The following CDH2 variants were observed in gnomAD, a reference collection of about 807,000 sequenced individuals.
The protein encoded by CDH2 is cadherin-2.
In CDH2, 17 loss-of-function variants were observed where a neutral mutation model predicts 92.0. That is an observed-to-expected ratio of 0.18 (90% CI 0.13 to 0.28). The LOEUF is 0.28. CDH2 is among the 10% of genes least tolerant of loss of function. The probability of loss-of-function intolerance (pLI) is 1.00; values close to 1 mark genes in which losing one functional copy is unlikely to be tolerated. For missense variants in CDH2, 862 were observed against 1,133.1 expected (o/e 0.76, Z 3.44); for synonymous variants, 419 against 415.9 (o/e 1.01, Z -0.09).
intron 2 of CDH2, among the ~76,000 whole-genome samples, chr18:28,085,530 A>G (rs2014910561): frequency 6.6e-6 from 1 of 152,108 alleles, no homozygotes; most frequent in South Asian, 2.1e-4. Context: ...TATGGTTGCA[A>G]CCACTACCAC....
At chr18:28,043,890 A>ATTTTTTTTTTTTTTTTTTTTTTTT (rs67532914) in intron 2 of CDH2, among the ~76,000 whole-genome samples, 1 of 91,452 alleles carries the variant, frequency 1.1e-5, no homozygotes, top group Non-Finnish European at 2.2e-5. Flanking sequence ...AGAATCTCGG[A>ATTTTTTTTTTTTTTTTTTTTTTTT]TTTTTTTTTT....
At chr18:28,105,812 G>A (rs1004402227) in intron 2 of CDH2, among the ~76,000 whole-genome samples, 97 of 152,206 alleles carry the variant, frequency 6.4e-4, no homozygotes, top group African/African-American at 1.9e-3. Context: ...ATCCTAATAC[G>A]TCTTACAAAG....
chr18:28,174,951 A>G (rs2016515601), intron 1 of CDH2, among the ~76,000 whole-genome samples: 1 of 152,194 alleles, frequency 6.6e-6, no homozygotes, highest in Non-Finnish European at 1.5e-5. Flanking sequence ...AAAATGTATC[A>G]CATCTCCTTT....
chr18:27,979,682 G>A (rs180893687), intron 14 of CDH2, among the ~76,000 whole-genome samples: 26 of 152,332 alleles, frequency 1.7e-4, no homozygotes, highest in Middle Eastern at 3.4e-3. Flanking sequence ...CAGGTACAAT[G>A]TTGAGTAATA....
intron 1 of CDH2, among the ~76,000 whole-genome samples, chr18:28,158,071 T>C (rs2016249536): frequency 6.6e-6 from 1 of 152,186 alleles, no homozygotes; most frequent in Admixed American, 6.5e-5. Context: ...TTTCACTTTT[T>C]AAAAATGGTT....
In CDH2 at chr18:28,013,814, C is replaced by T. The variant is rs778990479; in HGVS notation, c.268G>A (p.Val90Met). The change falls in exon 3 of 16, where the codon GTG (valine) becomes ATG (methionine). Residue 90 changes from valine to methionine, a missense_variant. This residue lies in a region of CDH2 where 159 missense variants were observed against 177.2 expected (regional missense o/e 0.90). Transcript: ENST00000269141. ...KVDEDGMVYA[V>M]RSFPLSSEHA... ...TCAGAAGAGAGTGGAAAGCTTCTCA[C>T]GGCATACACCATGCCATCTTCATCC... The T allele has an allele frequency of 1.4e-5, 22 of 1,613,584 alleles. No individual in the cohort carries two copies. Among genetic ancestry groups the T allele is most frequent in the Middle Eastern group, 3.3e-4 (2 of 6,080 alleles).
At chr18:27,943,157 G>A (rs184082595) in intron 6 of CDH2, among the ~76,000 whole-genome samples, 4 of 152,214 alleles carry the variant, frequency 2.6e-5, no homozygotes, top group Non-Finnish European at 2.9e-5. Flanking sequence ...CCAAAATGGC[G>A]ATCCTATGTG....
At chr18:28,134,240 A>G (rs1271270165) in intron 2 of CDH2, among the ~76,000 whole-genome samples, 1 of 151,860 alleles carries the variant, frequency 6.6e-6, no homozygotes, top group Admixed American at 6.6e-5. Context: ...ACTGCACTCC[A>G]GCAGTGACAG....
At chr18:28,089,462 T>C (rs2014997229) in intron 2 of CDH2, among the ~76,000 whole-genome samples, 1 of 152,190 alleles carries the variant, frequency 6.6e-6, no homozygotes, top group Admixed American at 6.5e-5. Flanking sequence ...AAGGAAATTT[T>C]TAAAGGGTTA....
At chr18:27,968,326 A>C (rs2011579358) in intron 14 of CDH2, among the ~76,000 whole-genome samples, 1 of 152,184 alleles carries the variant, frequency 6.6e-6, no homozygotes. Flanking sequence ...CAAAATAAAT[A>C]ATCAAAAAGC....
At chr18:28,026,972 AT>A (rs1313847710) in intron 2 of CDH2, among the ~76,000 whole-genome samples, 14 of 152,144 alleles carry the variant, frequency 9.2e-5, no homozygotes, top group African/African-American at 3.1e-4. Flanking sequence ...CAGCAGAAGC[AT>A]TTAAAAGTTG....
intron 2 of CDH2, among the ~76,000 whole-genome samples, chr18:28,112,038 G>T (rs959299440): frequency 1.3e-5 from 2 of 152,026 alleles, no homozygotes; most frequent in African/African-American, 4.8e-5. Flanking sequence ...AGCATTTAAG[G>T]GTAACAGACA....
At chr18:27,935,166 C>T (rs1908988160) in intron 6 of CDH2, among the ~76,000 whole-genome samples, 1 of 152,142 alleles carries the variant, frequency 6.6e-6, no homozygotes, top group Non-Finnish European at 1.5e-5. Context: ...TCCATTCTCA[C>T]ACTGCTATAA....
intron 6 of CDH2, among the ~76,000 whole-genome samples, chr18:27,943,310 G>T (rs1308456726): frequency 6.6e-6 from 1 of 152,154 alleles, no homozygotes; most frequent in Non-Finnish European, 1.5e-5. Context: ...ATAAATCATG[G>T]CTCTGCCACT....
chr18:28,116,835 C>A (rs563611637), intron 2 of CDH2, among the ~76,000 whole-genome samples: 1 of 152,094 alleles, frequency 6.6e-6, no homozygotes, highest in Admixed American at 6.6e-5. Flanking sequence ...TTAACACTGG[C>A]ATACTCTAAA....
At chr18:28,108,306 C>T (rs1365245002) in intron 2 of CDH2, among the ~76,000 whole-genome samples, 1 of 152,166 alleles carries the variant, frequency 6.6e-6, no homozygotes, top group East Asian at 1.9e-4. Context: ...GTTTAAACTA[C>T]TATGAGAAAC....
intron 7 of CDH2, among the ~76,000 whole-genome samples, chr18:27,997,800 C>T (rs2012630980): frequency 6.6e-6 from 1 of 151,752 alleles, no homozygotes; most frequent in African/African-American, 2.4e-5. Context: ...AGATTTGTGA[C>T]TCTGTTCAAA....
chr18:28,139,601 C>T (rs2015920486), intron 2 of CDH2, among the ~76,000 whole-genome samples: 2 of 151,922 alleles, frequency 1.3e-5, no homozygotes, highest in Non-Finnish European at 2.9e-5. Flanking sequence ...TCTTCCATAG[C>T]ATTTGGCACA....
chr18:27,970,878 G>A lies in CDH2; in HGVS notation c.2350-7357C>T, dbSNP rs115363852. ...TAACACATAAAAAATGGGCATCAAT[G>A]GGCATGGTGCATGGCCATGCTCCAG... On this transcript the variant is annotated intron_variant, in intron 14 of 15. Transcript: ENST00000269141. Among the ~76,000 whole-genome samples, 1,330 of 152,260 alleles carry A rather than the reference G, an allele frequency of 8.7e-3. 29 individuals carry two copies. The highest frequency in any genetic ancestry group is 0.03 in the African/African-American group (1,262 of 41,556).
Sources: gnomAD v4.1 joint callset for allele counts (sites outside exome capture counted in the v4.1 genomes callset) on GRCh38, gnomAD v4.1.1 for gene constraint, gnomAD v4.1.1 regional missense constraint, MANE v1.5 for transcripts, NCBI Gene and HGNC (gene_info 2026-07-23, HGNC 2026-07-21) for gene names.